The following BTBD8 variants were observed in gnomAD, a reference collection of about 807,000 sequenced individuals.
BTBD8 encodes the protein BTB domain containing 8, also known as BTB/POZ domain-containing protein 8.
BTBD8 carries 110 observed loss-of-function variants against 162.9 expected under a neutral mutation model. The observed-to-expected ratio is 0.68, with a 90% CI of 0.58 to 0.79. The LOEUF (loss-of-function observed/expected upper bound fraction) is 0.79, where lower values mean the gene tolerates loss of function less well. Ranked by LOEUF, BTBD8 falls within the 30% of genes least tolerant of loss-of-function variation. The probability of loss-of-function intolerance (pLI) is 0.00; values close to 1 mark genes in which losing one functional copy is unlikely to be tolerated. For missense variants in BTBD8, 1,905 were observed against 2,085.4 expected, an observed-to-expected ratio of 0.91 and a Z score of 1.68; for synonymous variants, 667 against 716.1, an observed-to-expected ratio of 0.93 and a Z score of 1.10.
chr1:92,161,422 G>A (rs1321345044), intron 9 of BTBD8, among the ~76,000 whole-genome samples: 1 of 152,196 alleles, frequency 6.6e-6, no homozygotes, highest in Non-Finnish European at 1.5e-5. Flanking sequence ...GTTTTAGTGT[G>A]AGGAACTTTA....
intron 4 of BTBD8, among the ~76,000 whole-genome samples, chr1:92,123,653 T>C (rs1054715184): frequency 1.3e-5 from 2 of 151,804 alleles, no homozygotes; most frequent in African/African-American, 2.4e-5. Context: ...AAATCATCTT[T>C]GGGTGACTAC....
intron 9 of BTBD8, among the ~76,000 whole-genome samples, chr1:92,149,874 T>C (rs1650007530): frequency 6.6e-6 from 1 of 152,198 alleles, no homozygotes; most frequent in African/African-American, 2.4e-5. Flanking sequence ...GCAGTAAGAC[T>C]GACATGAGCC....
At chr1:92,150,870 A>T (rs1242230617) in intron 9 of BTBD8, 1 of 152,144 alleles carries the variant, frequency 6.6e-6, no homozygotes, top group Non-Finnish European at 1.5e-5. Flanking sequence ...TTTTTCCCTT[A>T]TCAACATTAT....
intron 2 of BTBD8, among the ~76,000 whole-genome samples, chr1:92,092,568 T>TA (rs1454975614): frequency 9.2e-5 from 14 of 152,172 alleles, no homozygotes; most frequent in Admixed American, 9.2e-4. Context: ...AACTGAGAAA[T>TA]ACATTTCTGT....
intron 9 of BTBD8, among the ~76,000 whole-genome samples, chr1:92,158,818 CA>C (rs1172854151): frequency 6.6e-6 from 1 of 152,180 alleles, no homozygotes; most frequent in Non-Finnish European, 1.5e-5. Flanking sequence ...CTCTGTCACC[CA>C]AGCTGGAGTG....
chr1:92,158,287 G>T (rs144701237), intron 9 of BTBD8, among the ~76,000 whole-genome samples: 300 of 151,936 alleles, frequency 2.0e-3, no homozygotes, highest in African/African-American at 6.7e-3. Context: ...ATTTTATGTT[G>T]TCTTATAGTT....
At chr1:92,115,572 T>G in intron 4 of BTBD8, 1 of 380,716 alleles carries the variant, frequency 2.6e-6, no homozygotes, top group South Asian at 2.3e-5. Context: ...ATCTCGCTCC[T>G]GGAAGATGGT....
intron 9 of BTBD8, among the ~76,000 whole-genome samples, chr1:92,158,366 A>T (rs1570749675): frequency 1.3e-5 from 2 of 151,650 alleles, no homozygotes; most frequent in South Asian, 4.2e-4. Flanking sequence ...GATATACTAA[A>T]TTTTTTTCTC....
intron 5 of BTBD8, among the ~76,000 whole-genome samples, chr1:92,133,276 T>C (rs912062917): frequency 6.6e-6 from 1 of 152,198 alleles, no homozygotes; most frequent in African/African-American, 2.4e-5. Context: ...ATTCCTTAAC[T>C]TTCCTGAGCT....
intron 5 of BTBD8, among the ~76,000 whole-genome samples, chr1:92,136,907 C>A (rs1649647651): frequency 6.6e-6 from 1 of 152,158 alleles, no homozygotes; most frequent in Non-Finnish European, 1.5e-5. Flanking sequence ...CTCATAAGTG[C>A]TCAATAGGTG....
intron 4 of BTBD8, among the ~76,000 whole-genome samples, chr1:92,119,632 C>CTTTTTTCT (rs1553122730): frequency 7.0e-6 from 1 of 141,996 alleles, no homozygotes; most frequent in South Asian, 2.2e-4. Flanking sequence ...TTTCTTTTTT[C>CTTTTTTCT]TTTTTTTTTT....
intron 4 of BTBD8, among the ~76,000 whole-genome samples, chr1:92,121,717 A>G (rs928133276): frequency 6.6e-6 from 1 of 152,212 alleles, no homozygotes; most frequent in East Asian, 1.9e-4. Flanking sequence ...CCTTGTACCC[A>G]TTTACCTTCA....
intron 3 of BTBD8, 30 bp from the exon 4 acceptor site, chr1:92,107,854 A>G (rs970036099): frequency 5.8e-6 from 9 of 1,558,348 alleles, no homozygotes; most frequent in Non-Finnish European, 7.8e-6. Context: ...ATATTAAACT[A>G]TTTTTTAGTC....
chr1:92,149,738 TG>T (rs1284389259), intron 9 of BTBD8, among the ~76,000 whole-genome samples: 1 of 152,182 alleles, frequency 6.6e-6, no homozygotes, highest in Non-Finnish European at 1.5e-5. Flanking sequence ...CAGCCAGATC[TG>T]TAACTGTTCT....
Position 92,184,327 on chromosome 1 carries a change from T to C in BTBD8, c.5376T>C (p.His1792=), listed in dbSNP as rs1041006239. Residue 1792 remains histidine, a synonymous_variant, in exon 18 of 18, where the codon CAT becomes CAC. Transcript: ENST00000636805. ...EWTILELETQ[H] ...CAATTCTGGAACTGGAAACTCAGCA[T>C]TAAGTGTTAACATTTTGGAAAAATT... is the stretch of plus-strand genomic sequence containing the variant. 3 of 1,537,360 alleles carry C rather than the reference T, an allele frequency of 2.0e-6. No individual in the cohort carries two copies. Among genetic ancestry groups the C allele is most frequent in the African/African-American group, 2.8e-5 (2 of 72,486 alleles).
In BTBD8 at chr1:92,129,684, T is replaced by C. The variant is rs776584425; in HGVS notation, c.663-3T>C. On this transcript the variant is annotated splice_polypyrimidine_tract_variant and splice_region_variant and intron_variant, in intron 4 of 17. Transcript: ENST00000636805. ...CTGTGTTTCTCCCCCCTCTTCCCTT[T>C]AGGGCCATTTTGAGTGCCAGATCTA... 6 of 1,612,884 alleles carry C rather than the reference T, an allele frequency of 3.7e-6. No individual in the cohort carries two copies. In the South Asian group the frequency reaches 6.6e-5, roughly 18 times the overall value.
chr1:92,129,492 C>CA (rs1047968742), intron 4 of BTBD8, among the ~76,000 whole-genome samples, 195 bp from the exon 5 acceptor site: 2 of 146,112 alleles, frequency 1.4e-5, no homozygotes, highest in African/African-American at 5.2e-5. Context: ...TCTCTTAAAA[C>CA]AAAAAACAAA....
In BTBD8 at chr1:92,117,343, G is replaced by A. The variant is rs982668714; in HGVS notation, c.662+9342G>A. Among the ~76,000 whole-genome samples, 3 of 98,668 alleles carry A rather than the reference G, an allele frequency of 3.0e-5. No homozygotes were observed. The Admixed American group carries it at 3.3e-4, about 11-fold the overall frequency. The allele number at this position is 98,668 out of a possible 152,430, so 64.7% of individuals were successfully genotyped here. A position where few individuals can be genotyped will look rare whatever the true frequency, so the allele number is the denominator to read the frequency against. ...GAACTTTATTGTTTTTCTTGAAAAA[G>A]ATTATTAAAGGTTTTTTTTTTAGCA... On this transcript the variant is annotated intron_variant, in intron 4 of 17. Transcript: ENST00000636805.
chr1:92,168,685 T>C (rs567545467), intron 11 of BTBD8, among the ~76,000 whole-genome samples, 181 bp from the exon 12 acceptor site: 1 of 152,292 alleles, frequency 6.6e-6, no homozygotes, highest in Admixed American at 6.5e-5. Context: ...TAGCTTTGTG[T>C]TCATTTATAA....
Sources: allele counts gnomAD v4.1 joint callset (sites outside exome capture counted in the v4.1 genomes callset), GRCh38; gene constraint gnomAD v4.1.1; transcripts MANE v1.5; gene names NCBI Gene and HGNC (gene_info 2026-07-23, HGNC 2026-07-21).